The following NOX4 variants were observed in gnomAD, a reference collection of about 807,000 sequenced individuals.
The protein encoded by NOX4 is kidney oxidase-1.
Under a neutral mutation model 87.6 loss-of-function variants are expected in NOX4, and 69 were observed. That is an observed-to-expected ratio of 0.79 (90% CI 0.65 to 0.96). The LOEUF is 0.96. Ranked by LOEUF, NOX4 falls within the 40% of genes least tolerant of loss-of-function variation. The probability of loss-of-function intolerance (pLI) is 0.00; values close to 1 mark genes in which losing one functional copy is unlikely to be tolerated. For synonymous variants in NOX4, 275 were observed against 238.2 expected, an observed-to-expected ratio of 1.15 and a Z score of -1.42; for missense variants, 680 against 681.5, an observed-to-expected ratio of 1.00 and a Z score of 0.02.
chr11:89,512,922 A>G, the NOX4 span, among the ~76,000 whole-genome samples: 1 of 152,148 alleles, frequency 6.6e-6, no homozygotes, highest in Non-Finnish European at 1.5e-5. Flanking sequence ...AGTAGCATCT[A>G]GCAGAGTTCT....
At chr11:89,384,372 C>T (rs1308716613) in intron 11 of NOX4, among the ~76,000 whole-genome samples, 1 of 152,156 alleles carries the variant, frequency 6.6e-6, no homozygotes, top group African/African-American at 2.4e-5. Context: ...CACGGACAGC[C>T]CCCATTACTT....
chr11:89,399,766 A>G (rs1342779692), intron 11 of NOX4, among the ~76,000 whole-genome samples: 2 of 151,730 alleles, frequency 1.3e-5, no homozygotes, highest in Admixed American at 1.3e-4. Context: ...TGCTTGGCCT[A>G]TATTTTGAAT....
chr11:89,486,084 T>C (rs749081080), intron 2 of NOX4, among the ~76,000 whole-genome samples: 1 of 151,946 alleles, frequency 6.6e-6, no homozygotes, highest in Non-Finnish European at 1.5e-5. Context: ...TATCAATTCG[T>C]ATGTATTTTT....
At chr11:89,517,822 G>A in the NOX4 span, among the ~76,000 whole-genome samples, 6 of 151,850 alleles carry the variant, frequency 4.0e-5, no homozygotes, top group Admixed American at 3.9e-4. Context: ...TGTTGATCTT[G>A]TGTACCACTG....
upstream of NOX4, among the ~76,000 whole-genome samples, chr11:89,501,499 G>T (rs755853276): frequency 3.3e-5 from 5 of 151,954 alleles, no homozygotes; most frequent in South Asian, 2.1e-4. Context: ...TCAAAAGATT[G>T]TTTTTGCTGT....
the NOX4 span, among the ~76,000 whole-genome samples, chr11:89,585,372 C>T: frequency 6.6e-6 from 1 of 152,132 alleles, no homozygotes; most frequent in Admixed American, 6.6e-5. Flanking sequence ...CAACTAGACA[C>T]AAAATTCTTT....
intron 7 of NOX4, 93 bp downstream of exon 7, chr11:89,432,691 A>C (rs1021215458): frequency 3.5e-6 from 3 of 850,406 alleles, no homozygotes; most frequent in Non-Finnish European, 5.9e-6. Flanking sequence ...TCCATTAACC[A>C]GGACACTACA....
upstream of NOX4, among the ~76,000 whole-genome samples, chr11:89,493,725 TTATTATTA>T (rs1565357786): frequency 2.2e-4 from 13 of 60,062 alleles, no homozygotes; most frequent in Non-Finnish European, 3.3e-4. Flanking sequence ...GATTGTTTTA[TTATTATTA>T]TTATTATTAT....
chr11:89,352,513 A>G (rs1446991337), intron 13 of NOX4, among the ~76,000 whole-genome samples: 1 of 152,204 alleles, frequency 6.6e-6, no homozygotes, highest in Non-Finnish European at 1.5e-5. Flanking sequence ...AAACATCCTG[A>G]AAATTATTCA....
intron 2 of NOX4, among the ~76,000 whole-genome samples, chr11:89,478,083 A>T (rs541345311): frequency 6.6e-6 from 1 of 152,226 alleles, no homozygotes; most frequent in East Asian, 1.9e-4. Context: ...ATTGTCATAA[A>T]TTTGTCTACT....
chr11:89,569,737 C>T, the NOX4 span, among the ~76,000 whole-genome samples: 3 of 152,126 alleles, frequency 2.0e-5, no homozygotes, highest in African/African-American at 4.8e-5. Flanking sequence ...GGTGCAGTGG[C>T]TCACACCTGT....
chr11:89,521,169 T>C, the NOX4 span, among the ~76,000 whole-genome samples: 1 of 152,056 alleles, frequency 6.6e-6, no homozygotes, highest in East Asian at 1.9e-4. Context: ...TTCACAGAAT[T>C]AGAAAAATCT....
intron 11 of NOX4, among the ~76,000 whole-genome samples, chr11:89,383,557 G>A (rs925752628): frequency 3.9e-5 from 6 of 152,008 alleles, no homozygotes; most frequent in Non-Finnish European, 7.4e-5. Flanking sequence ...TAATCAATAC[G>A]GAGGCTACCC....
intron 7 of NOX4, among the ~76,000 whole-genome samples, chr11:89,425,280 T>C (rs1414729036): frequency 3.9e-5 from 6 of 151,948 alleles, no homozygotes; most frequent in Admixed American, 1.3e-4. Context: ...TTCATTCTTA[T>C]GAAAAGCTTT....
At chr11:89,534,711 G>A in the NOX4 span, among the ~76,000 whole-genome samples, 1 of 152,172 alleles carries the variant, frequency 6.6e-6, no homozygotes, top group Admixed American at 6.5e-5. Context: ...TCTATCAGAT[G>A]TCCTTACCCA....
intron 17 of NOX4, among the ~76,000 whole-genome samples, chr11:89,334,570 AT>A (rs1365411208): frequency 6.6e-6 from 1 of 151,758 alleles, no homozygotes; most frequent in Non-Finnish European, 1.5e-5. Context: ...AATAAATAAT[AT>A]TCATCCATGA....
the NOX4 span, among the ~76,000 whole-genome samples, chr11:89,537,872 T>A: frequency 6.6e-6 from 1 of 152,268 alleles, no homozygotes; most frequent in South Asian, 2.1e-4. Context: ...CTGTTTTTCA[T>A]CTCCAGCTCT....
intron 17 of NOX4, among the ~76,000 whole-genome samples, chr11:89,333,960 A>C (rs1945590460): frequency 6.6e-6 from 1 of 151,744 alleles, no homozygotes; most frequent in South Asian, 2.1e-4. Context: ...ACAAACTACC[A>C]AATATATACA....
In NOX4 at chr11:89,326,723, C is replaced by T. The variant is rs1945232288; in HGVS notation, c.*33G>A. ...AAAGTCTTAGAAATTGCACTCATTC[C>T]TTCTTTAGAGTCCTGCTTCATGGCA... On this transcript the variant is annotated 3_prime_UTR_variant, in exon 18 of 18. Coordinates refer to ENST00000263317, the MANE Select transcript of NOX4 (RefSeq NM_016931.5). 1 of 1,601,496 alleles carries T rather than the reference C, an allele frequency of 6.2e-7. No homozygotes were observed. Among genetic ancestry groups the T allele is most frequent in the African/African-American group, 1.3e-5 (1 of 74,398 alleles).
Sources: gnomAD v4.1 joint callset for allele counts (sites outside exome capture counted in the v4.1 genomes callset) on GRCh38, gnomAD v4.1.1 for gene constraint, MANE v1.5 for transcripts, NCBI Gene and HGNC (gene_info 2026-07-23, HGNC 2026-07-21) for gene names.